GPR27: variants seen among roughly 807,000 people sequenced by gnomAD.
GPR27 encodes the protein G protein-coupled receptor 27.
A neutral mutation model predicts 2.4 loss-of-function variants in GPR27; 3 were observed. That is an observed-to-expected ratio of 1.23 (90% confidence interval 0.56 to 3.18). The LOEUF (loss-of-function observed/expected upper bound fraction) is 3.18, where lower values mean the gene tolerates loss of function less well. Ranked by LOEUF, GPR27 falls within the 30% of genes most tolerant of loss-of-function variation. The probability of loss-of-function intolerance (pLI) is 0.03; values close to 1 mark genes in which losing one functional copy is unlikely to be tolerated. For missense variants in GPR27, 526 were observed against 566.1 expected (o/e 0.93, Z 0.72); for synonymous variants, 367 against 296.4 (o/e 1.24, Z -2.45).
At position 71,754,022 on chromosome 3, in the gene GPR27, G is replaced by A. The variant is rs2049969453; in HGVS notation, c.-28G>A. The A allele has an allele frequency of 8.8e-7, 1 of 1,140,940 alleles. No homozygotes were observed. The highest frequency in any genetic ancestry group is 1.1e-6 in the Non-Finnish European group (1 of 929,092). 70.7% of individuals were successfully genotyped at this position (1,140,940 alleles called of 1,614,324 possible). ...CGGCGAGGCAGGGGACGGCCCCGGG[G>A]CGGAGCGCACGGCCTGGTGAGGCCG... On this transcript the variant is annotated 5_prime_UTR_variant, in exon 1 of 1. Coordinates refer to ENST00000304411, the MANE Select transcript of GPR27 (RefSeq NM_018971.3). This position sits in a 1 kb window ranked among gnomAD's most constrained non-coding sequence, Gnocchi z 5.8.
Position 71,754,752 on chromosome 3 carries a change from A to T in GPR27, c.703A>T (p.Thr235Ser). ...CTGGACCTTCCACGGCCCGGGCGCC[A>T]CCGGCCAGGCGGCCGCCAACTGGAC... is the stretch of plus-strand genomic sequence containing the variant. The part of the protein sequence containing the change: ...HDWTFHGPGA[T>S]GQAAANWTAG... The change falls in exon 1 of 1, where the codon ACC becomes TCC. Residue 235 changes from threonine to serine, a missense_variant. By Grantham distance (58) the Thr-to-Ser change is moderately conservative. Transcript: ENST00000304411. The surrounding 1 kb of genome is among the most constrained non-coding windows in gnomAD (Gnocchi z 5.8). 7.4e-7 allele frequency: 1 copy of T among 1,360,216 alleles called. No individual in the cohort carries two copies. 84.3% of individuals were successfully genotyped at this position (1,360,216 alleles called of 1,614,324 possible).
chr3:71,754,127 C>A lies in GPR27; in HGVS notation c.78C>A (p.Ser26Arg). The change falls in exon 1 of 1, where the codon AGC becomes AGA. Residue 26 changes from serine (S) to arginine (R), a missense_variant. Ser to Arg is a moderately radical substitution (Grantham distance 110). This residue lies in a region of GPR27 where 312 missense variants were observed against 318.4 expected (regional missense o/e 0.98). Coordinates refer to ENST00000304411, the MANE Select transcript of GPR27 (RefSeq NM_018971.3). This position sits in a 1 kb window ranked among gnomAD's most constrained non-coding sequence, Gnocchi z 5.8. ...AALGLKLATL[S>R]LLLCVSLAGN... ...TGGGCCTCAAGCTGGCCACGCTCAGCCTGCTGCTGTGCGTGAGCCTAGCGG... is the reference window on the plus strand; with the variant it reads ...TGGGCCTCAAGCTGGCCACGCTCAGACTGCTGCTGTGCGTGAGCCTAGCGG... The A allele has an allele frequency of 1.4e-6, 2 of 1,443,444 alleles. No individual in the cohort carries two copies. Among genetic ancestry groups the A allele is most frequent in the South Asian group, 1.2e-5 (1 of 81,408 alleles). 89.4% of individuals were successfully genotyped at this position (1,443,444 alleles called of 1,614,324 possible).
Position 71,754,125 on chromosome 3 carries a change from A to G in GPR27, c.76A>G (p.Ser26Gly), listed in dbSNP as rs2049972587. 2 of 1,434,304 alleles carry G rather than the reference A, an allele frequency of 1.4e-6. No individual in the cohort carries two copies. Among genetic ancestry groups the G allele is most frequent in the Non-Finnish European group, 1.8e-6 (2 of 1,084,634 alleles). The allele number at this position is 1,434,304 out of a possible 1,614,324, so 88.8% of individuals were successfully genotyped here. ...CCTGGGCCTCAAGCTGGCCACGCTC[A>G]GCCTGCTGCTGTGCGTGAGCCTAGC... Reference protein sequence around the residue: ...AALGLKLATLSLLLCVSLAGN... With the variant: ...AALGLKLATLGLLLCVSLAGN... The change falls in exon 1 of 1, where the codon AGC becomes GGC. Residue 26 changes from serine to glycine, a missense_variant. Around this residue, in one of 3 missense-constraint regions of GPR27, gnomAD observed 312 missense variants for 318.4 expected, o/e 0.98. Transcript: ENST00000304411. The surrounding 1 kb of genome is among the most constrained non-coding windows in gnomAD (Gnocchi z 5.8).
At position 71,754,812 on chromosome 3, in the gene GPR27, C is replaced by T. The variant is rs1371074229; in HGVS notation, c.763C>T (p.Leu255Phe). 6.7e-7 allele frequency: 1 copy of T among 1,487,682 alleles called. No homozygotes were observed. Among genetic ancestry groups the T allele is most frequent in the South Asian group, 1.3e-5 (1 of 79,520 alleles). The allele number at this position is 1,487,682 out of a possible 1,614,324, so 92.2% of individuals were successfully genotyped here. A position where few individuals can be genotyped will look rare whatever the true frequency, so the allele number is the denominator to read the frequency against. ...CGGCCGCGGGCCCACGCCGCCCGCGCTTGTGGGCATCCGGCCCGCAGGGCC... is the reference window on the plus strand; with the variant it reads ...CGGCCGCGGGCCCACGCCGCCCGCGTTTGTGGGCATCCGGCCCGCAGGGCC... ...GFGRGPTPPALVGIRPAGPGR... is the reference protein window; with the variant it reads ...GFGRGPTPPAFVGIRPAGPGR... Residue 255 changes from leucine (L) to phenylalanine (F), a missense_variant, in exon 1 of 1, where the codon CTT becomes TTT. Leu to Phe is a conservative substitution (Grantham distance 22). Around this residue, in one of 3 missense-constraint regions of GPR27, gnomAD observed 98 missense variants for 146.7 expected, o/e 0.67. Coordinates refer to ENST00000304411, the MANE Select transcript of GPR27 (RefSeq NM_018971.3). The surrounding 1 kb of genome is among the most constrained non-coding windows in gnomAD (Gnocchi z 5.8).
Position 71,755,497 on chromosome 3 carries a change from T to C in GPR27, c.*320T>C, listed in dbSNP as rs938279750. The C allele has an allele frequency of 3.5e-6, 1 of 288,664 alleles. No individual in the cohort carries two copies. The highest frequency in any genetic ancestry group is 2.2e-5 in the African/African-American group (1 of 46,204). The allele number at this position is 288,664 out of a possible 1,614,324, so 17.9% of individuals were successfully genotyped here. On this transcript the variant is annotated 3_prime_UTR_variant, in exon 1 of 1. Coordinates refer to ENST00000304411, the MANE Select transcript of GPR27 (RefSeq NM_018971.3). The stretch of plus-strand genomic sequence containing the variant: ...TTTTTTTCTTTTTCTATAAAGGCTG[T>C]ACTAATTTTCTTCATGCAACGTTTC...
Position 71,756,394 on chromosome 3 carries a change from T to C in GPR27, c.*1217T>C, listed in dbSNP as rs1436040767. 6.6e-6 allele frequency: 1 copy of C among 152,254 alleles called. No homozygotes were observed. The highest frequency in any genetic ancestry group is 1.5e-5 in the Non-Finnish European group (1 of 68,038). The allele number at this position is 152,254 out of a possible 1,614,324, so 9.4% of individuals were successfully genotyped here. On this transcript the variant is annotated 3_prime_UTR_variant, in exon 1 of 1. Transcript: ENST00000304411. ...TTCTGCAAGTACTATATAATATTTT[T>C]GGCTTATAATGCTACATTTTTATTA...
Position 71,754,482 on chromosome 3 carries a change from T to C in GPR27, c.433T>C (p.Cys145Arg). Residue 145 changes from cysteine to arginine, a missense_variant, in exon 1 of 1, where the codon TGC (cysteine) becomes CGC (arginine). Physicochemically the swap from Cys to Arg is radical, Grantham distance 180. Transcript: ENST00000304411. The surrounding 1 kb of genome is among the most constrained non-coding windows in gnomAD (Gnocchi z 5.8). ...AGWPCAAMLV[C>R]AAWALALAAA... ...CTGGCCGTGCGCCGCCATGCTGGTGTGCGCCGCCTGGGCGCTGGCGCTGGC... is the reference window on the plus strand; with the variant it reads ...CTGGCCGTGCGCCGCCATGCTGGTGCGCGCCGCCTGGGCGCTGGCGCTGGC... 7.7e-7 allele frequency: 1 copy of C among 1,304,006 alleles called. No homozygotes were observed. Among genetic ancestry groups the C allele is most frequent in the Non-Finnish European group, 9.8e-7 (1 of 1,025,078 alleles). The allele number at this position is 1,304,006 out of a possible 1,614,324, so 80.8% of individuals were successfully genotyped here.
Position 71,754,643 on chromosome 3 carries a change from C to T in GPR27, c.594C>T (p.His198=), listed in dbSNP as rs750334571. 5.4e-6 allele frequency: 8 copies of T among 1,490,880 alleles called. No homozygotes were observed. The African/African-American group carries it at 1.0e-4, about 19-fold the overall frequency. The allele number at this position is 1,490,880 out of a possible 1,614,324, so 92.4% of individuals were successfully genotyped here. ...LLLAVVVGAT[H]LVYLRLLFFI... is the part of the protein sequence containing the mutation. ...TGGCCGTGGTGGTGGGCGCCACGCA[C>T]CTCGTCTACCTCCGCCTGCTCTTCT... Residue 198 remains histidine (H), a synonymous_variant, in exon 1 of 1, where the codon CAC becomes CAT. Coordinates refer to ENST00000304411, the MANE Select transcript of GPR27 (RefSeq NM_018971.3). The surrounding 1 kb of genome is among the most constrained non-coding windows in gnomAD (Gnocchi z 5.8).
rs1034850494 is a variant in GPR27 at position 71,755,376 on chromosome 3, C to T, written c.*199C>T. The T allele has an allele frequency of 6.9e-6, 4 of 575,976 alleles. No individual in the cohort carries two copies. In the Admixed American group the frequency reaches 1.2e-4, roughly 18 times the overall value. The allele number at this position is 575,976 out of a possible 1,614,324, so 35.7% of individuals were successfully genotyped here. ...TAGGATGCTCAGCCCACTCCAGCTC[C>T]GCACATTCGTCCTCCTAACTCGACT... On this transcript the variant is annotated 3_prime_UTR_variant, in exon 1 of 1. Coordinates refer to ENST00000304411, the MANE Select transcript of GPR27 (RefSeq NM_018971.3).
In GPR27 at chr3:71,754,112, G is replaced by A. The variant is rs374377825; in HGVS notation, c.63G>A (p.Lys21=). 1.5e-4 allele frequency: 212 copies of A among 1,410,260 alleles called. No individual in the cohort carries two copies. The African/African-American group carries it at 3.0e-3, about 20-fold the overall frequency. 87.4% of individuals were successfully genotyped at this position (1,410,260 alleles called of 1,614,324 possible). A position where few individuals can be genotyped will look rare whatever the true frequency, so the allele number is the denominator to read the frequency against. The part of the protein sequence containing the change: ...GGGEAAALGL[K]LATLSLLLCV... ...GCGAGGCGGCCGCCCTGGGCCTCAA[G>A]CTGGCCACGCTCAGCCTGCTGCTGT... The change falls in exon 1 of 1, where the codon AAG becomes AAA. Residue 21 remains lysine (K), a synonymous_variant. Coordinates refer to ENST00000304411, the MANE Select transcript of GPR27 (RefSeq NM_018971.3). This position sits in a 1 kb window ranked among gnomAD's most constrained non-coding sequence, Gnocchi z 5.8.
At position 71,755,250 on chromosome 3, in the gene GPR27, T is replaced by A. The variant is rs888099465; in HGVS notation, c.*73T>A. On this transcript the variant is annotated 3_prime_UTR_variant, in exon 1 of 1. Coordinates refer to ENST00000304411, the MANE Select transcript of GPR27 (RefSeq NM_018971.3). ...CGGACGGTGACGTTGTATCTTTTCC[T>A]TCTGGCCCCTGTTTAATTTTCTAAG... is the stretch of plus-strand genomic sequence containing the variant. 11 of 1,211,834 alleles carry A rather than the reference T, an allele frequency of 9.1e-6. No homozygotes were observed. The highest frequency in any genetic ancestry group is 2.0e-4 in the Middle Eastern group (1 of 5,026). The allele number at this position is 1,211,834 out of a possible 1,614,324, so 75.1% of individuals were successfully genotyped here. A position where few individuals can be genotyped will look rare whatever the true frequency, so the allele number is the denominator to read the frequency against.
At position 71,754,467 on chromosome 3, in the gene GPR27, G is replaced by C. The variant is rs772551803; in HGVS notation, c.418G>C (p.Ala140Pro). The part of the protein sequence containing the change: ...YAERLAGWPC[A>P]AMLVCAAWAL... ...AGAGCGCCTGGCCGGCTGGCCGTGC[G>C]CCGCCATGCTGGTGTGCGCCGCCTG... The change falls in exon 1 of 1, where the codon GCC becomes CCC. Residue 140 changes from alanine (A) to proline (P), a missense_variant. Transcript: ENST00000304411. The surrounding 1 kb of genome is among the most constrained non-coding windows in gnomAD (Gnocchi z 5.8). The C allele has an allele frequency of 5.3e-6, 7 of 1,329,948 alleles. No homozygotes were observed. Among genetic ancestry groups the C allele is most frequent in the South Asian group, 3.7e-5 (2 of 53,836 alleles). 82.4% of individuals were successfully genotyped at this position (1,329,948 alleles called of 1,614,324 possible).
Position 71,754,524 on chromosome 3 carries a change from G to A in GPR27, c.475G>A (p.Val159Met). The A allele has an allele frequency of 3.7e-6, 5 of 1,339,712 alleles. No individual in the cohort carries two copies. The highest frequency in any genetic ancestry group is 4.8e-6 in the Non-Finnish European group (5 of 1,044,618). The allele number at this position is 1,339,712 out of a possible 1,614,324, so 83.0% of individuals were successfully genotyped here. The part of the protein sequence containing the change: ...ALALAAAFPP[V>M]LDGGGDDEDA... ...GGCGCTGGCCGCGGCCTTCCCGCCA[G>A]TGCTGGACGGCGGTGGCGACGACGA... Residue 159 changes from valine (V) to methionine (M), a missense_variant, in exon 1 of 1, where the codon GTG becomes ATG. Physicochemically the swap from Val to Met is conservative, Grantham distance 21. Around this residue, in one of 3 missense-constraint regions of GPR27, gnomAD observed 312 missense variants for 318.4 expected, o/e 0.98. Transcript: ENST00000304411. The surrounding 1 kb of genome is among the most constrained non-coding windows in gnomAD (Gnocchi z 5.8).
chr3:71,754,117 C>G lies in GPR27; in HGVS notation c.68C>G (p.Ala23Gly). ...GEAAALGLKL[A>G]TLSLLLCVSL... ...GCGGCCGCCCTGGGCCTCAAGCTGG[C>G]CACGCTCAGCCTGCTGCTGTGCGTG... Residue 23 changes from alanine (A) to glycine (G), a missense_variant, in exon 1 of 1, where the codon GCC becomes GGC. Ala to Gly is a moderately conservative substitution (Grantham distance 60, BLOSUM62 0). Transcript: ENST00000304411. The surrounding 1 kb of genome is among the most constrained non-coding windows in gnomAD (Gnocchi z 5.8). 7.0e-7 allele frequency: 1 copy of G among 1,418,842 alleles called. No individual in the cohort carries two copies. Among genetic ancestry groups the G allele is most frequent in the Non-Finnish European group, 9.3e-7 (1 of 1,076,832 alleles). The allele number at this position is 1,418,842 out of a possible 1,614,324, so 87.9% of individuals were successfully genotyped here.
Position 71,754,997 on chromosome 3 carries a change from C to G in GPR27, c.948C>G (p.Pro316=). ...TCCTGGTGCGGCCCGGCGCCGTCCC[C>G]CAGGCCTACCTGACGGCCTCCGTGT... The part of the protein sequence containing the change: ...LRVLVRPGAV[P]QAYLTASVWL... The change falls in exon 1 of 1, where the codon CCC becomes CCG. Residue 316 remains proline (P), a synonymous_variant. Coordinates refer to ENST00000304411, the MANE Select transcript of GPR27 (RefSeq NM_018971.3). This position sits in a 1 kb window ranked among gnomAD's most constrained non-coding sequence, Gnocchi z 5.8. The G allele has an allele frequency of 1.2e-6, 2 of 1,613,332 alleles. No homozygotes were observed. The highest frequency in any genetic ancestry group is 1.7e-6 in the Non-Finnish European group (2 of 1,179,928).
In GPR27 at chr3:71,754,265, C is replaced by G. The variant is rs761012000; in HGVS notation, c.216C>G (p.Leu72=). ...LADGLRALAC[L]PAVMLAARRA... ...ACGGGCTGCGCGCGCTCGCCTGCCT[C>G]CCGGCCGTCATGCTGGCGGCGCGGC... Residue 72 remains leucine, a synonymous_variant, in exon 1 of 1, where the codon CTC becomes CTG. Coordinates refer to ENST00000304411, the MANE Select transcript of GPR27 (RefSeq NM_018971.3). This position sits in a 1 kb window ranked among gnomAD's most constrained non-coding sequence, Gnocchi z 5.8. 4.1e-6 allele frequency: 5 copies of G among 1,229,346 alleles called. No homozygotes were observed. Among genetic ancestry groups the G allele is most frequent in the Non-Finnish European group, 5.1e-6 (5 of 975,800 alleles). 76.2% of individuals were successfully genotyped at this position (1,229,346 alleles called of 1,614,324 possible).
At position 71,755,331 on chromosome 3, in the gene GPR27, G is replaced by C. The variant is rs1362433494; in HGVS notation, c.*154G>C. On this transcript the variant is annotated 3_prime_UTR_variant, in exon 1 of 1. Transcript: ENST00000304411. Reference sequence around the variant, plus strand: ...CACTTGGATTGTACTGACTCCTTTGGGGGTGGGGTGGGTGAGGAGTAGGAT... The same window carrying C: ...CACTTGGATTGTACTGACTCCTTTGCGGGTGGGGTGGGTGAGGAGTAGGAT... The C allele has an allele frequency of 6.0e-6, 4 of 667,638 alleles. No homozygotes were observed. The highest frequency in any genetic ancestry group is 1.0e-5 in the Non-Finnish European group (4 of 399,460). 41.4% of individuals were successfully genotyped at this position (667,638 alleles called of 1,614,324 possible).
Position 71,754,284 on chromosome 3 carries a change from G to A in GPR27, c.235G>A (p.Ala79Thr). ...CTGCCTCCCGGCCGTCATGCTGGCG[G>A]CGCGGCGTGCGGCGGCCGCGGCGGG... ...LACLPAVMLA[A>T]RRAAAAAGAP... Residue 79 changes from alanine to threonine, a missense_variant, in exon 1 of 1, where the codon GCG becomes ACG. Around this residue, in one of 3 missense-constraint regions of GPR27, gnomAD observed 312 missense variants for 318.4 expected, o/e 0.98. Coordinates refer to ENST00000304411, the MANE Select transcript of GPR27 (RefSeq NM_018971.3). This position sits in a 1 kb window ranked among gnomAD's most constrained non-coding sequence, Gnocchi z 5.8. The A allele has an allele frequency of 8.7e-7, 1 of 1,151,804 alleles. No individual in the cohort carries two copies. The highest frequency in any genetic ancestry group is 1.1e-6 in the Non-Finnish European group (1 of 937,924). 71.3% of individuals were successfully genotyped at this position (1,151,804 alleles called of 1,614,324 possible). A position where few individuals can be genotyped will look rare whatever the true frequency, so the allele number is the denominator to read the frequency against.
In GPR27 at chr3:71,754,587, GC is replaced by G; in HGVS notation, c.543del (p.Gly182AlafsTer139). The G allele has an allele frequency of 1.8e-5, 26 of 1,415,952 alleles. No individual in the cohort carries two copies. The highest frequency in any genetic ancestry group is 8.0e-5 in the Admixed American group (3 of 37,442). The allele number at this position is 1,415,952 out of a possible 1,614,324, so 87.7% of individuals were successfully genotyped here. ...CGCCCTGGAGCAGCGGCCCGACGGCGCCCCCGGCGCGCTGGGCTTCCTGCTG... is the reference window on the plus strand; with the variant it reads ...CGCCCTGGAGCAGCGGCCCGACGGCGCCCCGGCGCGCTGGGCTTCCTGCTG... ...PCALEQRPDG[A>X]PGALGFLLLL... is the part of the protein sequence containing the mutation. On this transcript the variant is annotated frameshift_variant, in exon 1 of 1. Coordinates refer to ENST00000304411, the MANE Select transcript of GPR27 (RefSeq NM_018971.3). LOFTEE classifies it low-confidence loss of function (END_TRUNC). This position sits in a 1 kb window ranked among gnomAD's most constrained non-coding sequence, Gnocchi z 5.8.
Sources: allele counts gnomAD v4.1 joint callset, GRCh38; gene constraint gnomAD v4.1.1; regional missense constraint gnomAD v4.1.1; non-coding constraint Gnocchi (gnomAD v3.1); transcripts MANE v1.5; gene names NCBI Gene and HGNC (gene_info 2026-07-23, HGNC 2026-07-21).